Variants in ZMYM4 observed in about 807,000 individuals in gnomAD.
The protein encoded by ZMYM4 is zinc finger MYM-type protein 4.
Under a neutral mutation model 183.2 loss-of-function variants are expected in ZMYM4, and 31 were observed. The ratio of observed to expected loss-of-function variants is 0.17; its 90% CI spans 0.13 to 0.23. The LOEUF is 0.23. ZMYM4 is among the 10% of genes least tolerant of loss of function. The pLI is 1.00. For synonymous variants in ZMYM4, 592 were observed against 631.2 expected (o/e 0.94, Z 0.93); for missense variants, 1,273 against 1,840.3 (o/e 0.69, Z 5.64).
Position 35,398,931 on chromosome 1 carries a change from A to G in ZMYM4, c.3321A>G (p.Glu1107=), listed in dbSNP as rs774141851. The change falls in exon 22 of 30, where the codon GAA becomes GAG. Residue 1107 remains glutamate, a synonymous_variant. Coordinates refer to ENST00000314607, the MANE Select transcript of ZMYM4 (RefSeq NM_005095.3). ...TATCTACTCCACATAGCTGGGAGGAAGAGCTGAATCACTATGCCTTAAAGT... is the reference window on the plus strand; with the variant it reads ...TATCTACTCCACATAGCTGGGAGGAGGAGCTGAATCACTATGCCTTAAAGT... ...EAVSTPHSWE[E]ELNHYALKSN... The G allele has an allele frequency of 1.9e-6, 3 of 1,614,190 alleles. No homozygotes were observed. Among genetic ancestry groups the G allele is most frequent in the Non-Finnish European group, 2.5e-6 (3 of 1,180,012 alleles).
chr1:35,406,816 G>A (rs1645010608), intron 25 of ZMYM4, among the ~76,000 whole-genome samples: 1 of 152,184 alleles, frequency 6.6e-6, no homozygotes, highest in African/African-American at 2.4e-5. Context: ...GTGCAGAAGA[G>A]CAATGACTAG....
In ZMYM4 at chr1:35,387,613, A is replaced by G. The variant is rs1359816060; in HGVS notation, c.2263+9A>G. The G allele has an allele frequency of 1.9e-6, 3 of 1,597,974 alleles. No homozygotes were observed. Among genetic ancestry groups the G allele is most frequent in the African/African-American group, 2.7e-5 (2 of 74,068 alleles). On this transcript the variant is annotated intron_variant, in intron 13 of 29. Coordinates refer to ENST00000314607, the MANE Select transcript of ZMYM4 (RefSeq NM_005095.3). The stretch of plus-strand genomic sequence containing the variant: ...GTCATTCTGTAGTGAAGGTAAAGAC[A>G]GAAGATTATCTTACCTACTGAGCAT...
chr1:35,385,143 C>T (rs1161161563), intron 9 of ZMYM4, among the ~76,000 whole-genome samples: 3 of 152,158 alleles, frequency 2.0e-5, no homozygotes, highest in African/African-American at 7.2e-5. Flanking sequence ...CTACGCCTGG[C>T]CGCATTACTT....
chr1:35,290,081 C>T (rs957730234), intron 1 of ZMYM4, among the ~76,000 whole-genome samples: 6 of 152,068 alleles, frequency 3.9e-5, no homozygotes, highest in African/African-American at 1.4e-4. Flanking sequence ...GATTCTCCCA[C>T]CTCAGCCTCT....
At chr1:35,373,073 C>T (rs1246919885) in intron 7 of ZMYM4, among the ~76,000 whole-genome samples, 2 of 152,042 alleles carry the variant, frequency 1.3e-5, no homozygotes, top group African/African-American at 2.4e-5. Context: ...GCACAAGAAA[C>T]ACTTGACCCT....
At chr1:35,406,016 TTG>T (rs1443270398) in intron 25 of ZMYM4, among the ~76,000 whole-genome samples, 1 of 152,366 alleles carries the variant, frequency 6.6e-6, no homozygotes, top group African/African-American at 2.4e-5. Context: ...TGCTTTTAAT[TTG>T]TGTTTTATGT....
At chr1:35,334,849 CTT>C (rs753718623) in intron 2 of ZMYM4, among the ~76,000 whole-genome samples, 2 of 152,158 alleles carry the variant, frequency 1.3e-5, no homozygotes, top group Non-Finnish European at 2.9e-5. Context: ...GTTTTTGACA[CTT>C]AAACATTTTG....
chr1:35,331,350 A>G (rs757575069), intron 2 of ZMYM4, among the ~76,000 whole-genome samples: 30 of 152,202 alleles, frequency 2.0e-4, no homozygotes, highest in Non-Finnish European at 3.7e-4. Context: ...TTCTTCTTGA[A>G]TTAAACAAAC....
chr1:35,328,995 G>C (rs1053870552), intron 2 of ZMYM4, among the ~76,000 whole-genome samples: 1 of 151,984 alleles, frequency 6.6e-6, no homozygotes, highest in Non-Finnish European at 1.5e-5. Context: ...CAAGACCACC[G>C]GGATATGGGA....
At chr1:35,273,139 T>C (rs946175709) in intron 1 of ZMYM4, among the ~76,000 whole-genome samples, 6 of 152,194 alleles carry the variant, frequency 3.9e-5, no homozygotes, top group African/African-American at 1.4e-4. Context: ...AATGCTAGTC[T>C]CTCAATTTGT....
intron 25 of ZMYM4, among the ~76,000 whole-genome samples, chr1:35,407,710 C>G (rs1409328929): frequency 6.6e-6 from 1 of 152,154 alleles, no homozygotes; most frequent in Non-Finnish European, 1.5e-5. Flanking sequence ...TAAGGTCTAG[C>G]TCCAGTATCA....
intron 1 of ZMYM4, among the ~76,000 whole-genome samples, chr1:35,282,321 T>A (rs756367559): frequency 7.9e-5 from 12 of 152,342 alleles, no homozygotes; most frequent in Non-Finnish European, 1.3e-4. Context: ...CCCCTTGCCT[T>A]TTTGCTTTTC....
chr1:35,325,475 TTAAC>T (rs1429183871), intron 2 of ZMYM4, 70 bp downstream of exon 2: 9 of 1,501,938 alleles, frequency 6.0e-6, no homozygotes, highest in African/African-American at 5.6e-5. Context: ...GATGTGGTAT[TTAAC>T]TATTACAGTG....
chr1:35,373,544 ATTTT>A (rs202022428), intron 7 of ZMYM4, among the ~76,000 whole-genome samples: 4 of 122,834 alleles, frequency 3.3e-5, no homozygotes, highest in African/African-American at 1.2e-4. Flanking sequence ...TGCACAGCTA[ATTTT>A]TTTTTTTTTT....
intron 1 of ZMYM4, among the ~76,000 whole-genome samples, chr1:35,299,797 CT>C (rs553866480): frequency 2.1e-3 from 299 of 142,680 alleles, no homozygotes; most frequent in Middle Eastern, 0.011. Context: ...TCTTTCTTTT[CT>C]TTTTTTTTTT....
rs1051225678 is a variant in ZMYM4 at position 35,323,775 on chromosome 1, C to T, written c.40-1585C>T. 9.8e-4 allele frequency among the ~76,000 whole-genome samples: 148 copies of T among 151,502 alleles called. 1 individual carries two copies. The highest frequency in any genetic ancestry group is 3.5e-3 in the African/African-American group (143 of 41,222). ...TCACCATAATTAGCCAGGATGGTCTCGATTTCCTGACCTCATGATCCACCC... is the reference window on the plus strand; with the variant it reads ...TCACCATAATTAGCCAGGATGGTCTTGATTTCCTGACCTCATGATCCACCC... On this transcript the variant is annotated intron_variant, in intron 1 of 29. Transcript: ENST00000314607.
chr1:35,358,815 A>G (rs951762532), intron 2 of ZMYM4, 110 bp from the exon 3 acceptor site: 7 of 858,644 alleles, frequency 8.2e-6, no homozygotes, highest in South Asian at 1.8e-5. Flanking sequence ...CTATGGTAAT[A>G]TCTGTATTTT....
At chr1:35,408,525 G>A (rs1209262642) in intron 26 of ZMYM4, among the ~76,000 whole-genome samples, 39 of 152,034 alleles carry the variant, frequency 2.6e-4, no homozygotes, top group Non-Finnish European at 1.5e-5. Context: ...ATCACTTGAG[G>A]CCAGTGATGC....
chr1:35,314,272 C>CA (rs766964903), intron 1 of ZMYM4, among the ~76,000 whole-genome samples: 173 of 147,570 alleles, frequency 1.2e-3, no homozygotes, highest in Non-Finnish European at 1.8e-3. Flanking sequence ...TCTTTTCCCT[C>CA]AAAAAAAAAA....
Sources: gnomAD v4.1 joint callset for allele counts (sites outside exome capture counted in the v4.1 genomes callset) on GRCh38, gnomAD v4.1.1 for gene constraint, MANE v1.5 for transcripts, NCBI Gene and HGNC (gene_info 2026-07-23, HGNC 2026-07-21) for gene names.